Variants in SCN2A observed in about 807,000 individuals in gnomAD.
SCN2A encodes the protein sodium channel protein type 2 subunit alpha.
A neutral mutation model predicts 188.7 loss-of-function variants in SCN2A; 20 were observed. The observed-to-expected ratio is 0.11, with a 90% CI of 0.07 to 0.15. The LOEUF (loss-of-function observed/expected upper bound fraction) is 0.15. Among genes scored for constraint, SCN2A ranks in the 10% least tolerant of loss-of-function variants. The probability of loss-of-function intolerance (pLI) is 1.00; values close to 1 mark genes in which losing one functional copy is unlikely to be tolerated. For missense variants in SCN2A, 1,278 were observed against 2,445.0 expected (o/e 0.52, Z 10.07); for synonymous variants, 804 against 833.1 (o/e 0.97, Z 0.60).
chr2:165,303,501 T>G (rs1696953276), intron 3 of SCN2A, among the ~76,000 whole-genome samples: 1 of 152,066 alleles, frequency 6.6e-6, no homozygotes, highest in Admixed American at 6.6e-5. Flanking sequence ...GGTCTCGATC[T>G]CCTGACCTCG....
intron 1 of SCN2A, among the ~76,000 whole-genome samples, chr2:165,240,659 C>CTGTGTGTGTGTGTG (rs35247335): frequency 0.085 from 11,590 of 136,166 alleles, 655 homozygotes; most frequent in Admixed American, 0.12. Context: ...GTGGAAAGAG[C>CTGTGTGTGTGTGTG]TGTGTGTGTG....
rs899868923 is a variant in SCN2A at position 165,379,005 on chromosome 2, G to GA, written c.4308+1363dup. On this transcript the variant is annotated intron_variant, in intron 23 of 26. Transcript: ENST00000375437. Reference sequence around the variant, plus strand: ...AAGAACACTCGTACAATGCTGATAGGAAAAAAAATAGTTAAATAATCCTTT... The same window carrying GA: ...AAGAACACTCGTACAATGCTGATAGGAAAAAAAAATAGTTAAATAATCCTTT... 9.9e-5 allele frequency among the ~76,000 whole-genome samples: 15 copies of GA among 151,396 alleles called. No homozygotes were observed. In the South Asian group the frequency reaches 2.3e-3, roughly 23 times the overall value.
intron 11 of SCN2A, chr2:165,320,132 T>C (rs536514988): frequency 2.6e-5 from 4 of 152,320 alleles, no homozygotes; most frequent in African/African-American, 9.6e-5. Flanking sequence ...TGGGAGAAAT[T>C]GGCCAAAACA....
At chr2:165,249,796 GA>G (rs1694008665) in intron 1 of SCN2A, among the ~76,000 whole-genome samples, 1 of 151,774 alleles carries the variant, frequency 6.6e-6, no homozygotes. Context: ...TTGATTTATA[GA>G]AAGTCTTATC....
intron 11 of SCN2A, among the ~76,000 whole-genome samples, chr2:165,319,054 T>C (rs909976716): frequency 6.6e-6 from 1 of 152,208 alleles, no homozygotes; most frequent in South Asian, 2.1e-4. Context: ...GAAGTAGTTC[T>C]AGGCCGGGTG....
At position 165,367,155 on chromosome 2, in the gene SCN2A, A is replaced by G. The variant is rs901277108; in HGVS notation, c.3521-62A>G. The G allele has an allele frequency of 5.8e-5, 88 of 1,526,644 alleles. 3 individuals carry two copies. In the South Asian group the frequency reaches 9.1e-4, roughly 16 times the overall value. 94.6% of individuals were successfully genotyped at this position (1,526,644 alleles called of 1,614,324 possible). A position where few individuals can be genotyped will look rare whatever the true frequency, so the allele number is the denominator to read the frequency against. ...TAATAATGTAAATGAATCTCCCACCAACACAAATATACCTAATCAAAGAGT... is the reference window on the plus strand; with the variant it reads ...TAATAATGTAAATGAATCTCCCACCGACACAAATATACCTAATCAAAGAGT... On this transcript the variant is annotated intron_variant, in intron 18 of 26. Transcript: ENST00000375437.
At chr2:165,300,793 T>C (rs1696769222) in intron 3 of SCN2A, among the ~76,000 whole-genome samples, 1 of 152,096 alleles carries the variant, frequency 6.6e-6, no homozygotes, top group Non-Finnish European at 1.5e-5. Flanking sequence ...CCACATTTAC[T>C]CTGAATGAGA....
In SCN2A at chr2:165,277,623, A is replaced by G. The variant is rs376035833; in HGVS notation, c.-51-18150A>G. Among the ~76,000 whole-genome samples, 23 of 152,284 alleles carry G rather than the reference A, an allele frequency of 1.5e-4. No homozygotes were observed. In the East Asian group the frequency reaches 3.3e-3, roughly 22 times the overall value. ...AGAAATAGTTCAAGTTGAGTTTTGCATATGTTTGCAAATCAAGCAAAGTTT... is the reference window on the plus strand; with the variant it reads ...AGAAATAGTTCAAGTTGAGTTTTGCGTATGTTTGCAAATCAAGCAAAGTTT... On this transcript the variant is annotated intron_variant, in intron 1 of 26. Coordinates refer to ENST00000375437, the MANE Select transcript of SCN2A (RefSeq NM_001040142.2).
Position 165,342,335 on chromosome 2 carries a change from A to T in SCN2A, c.2428A>T (p.Ile810Leu), listed in dbSNP as rs541567737. Reference protein sequence around the residue: ...GIFTAEMFLKIIAMDPYYYFQ... With the variant: ...GIFTAEMFLKLIAMDPYYYFQ... ...CTTCACAGCAGAAATGTTTCTCAAG[A>T]TAATTGCCATGGATCCATATTATTA... Residue 810 changes from isoleucine (I) to leucine (L), a missense_variant, in exon 15 of 27, where the codon ATA (isoleucine) becomes TTA (leucine). By Grantham distance (5) the Ile-to-Leu change is conservative (BLOSUM62 2). This residue lies in a region of SCN2A where 83 missense variants were observed against 256.8 expected (regional missense o/e 0.32). Transcript: ENST00000375437. The T allele has an allele frequency of 3.1e-6, 5 of 1,614,032 alleles. No homozygotes were observed. The South Asian group carries it at 5.5e-5, about 18-fold the overall frequency.
At chr2:165,380,968 C>G (rs1443817503) in intron 24 of SCN2A, 125 bp from the exon 25 acceptor site, 8 of 732,866 alleles carry the variant, frequency 1.1e-5, no homozygotes, top group Middle Eastern at 3.8e-4. Context: ...AAAGGCATCT[C>G]TATAAATACA....
intron 1 of SCN2A, among the ~76,000 whole-genome samples, chr2:165,289,058 G>A (rs914453190): frequency 5.3e-5 from 8 of 151,804 alleles, no homozygotes; most frequent in African/African-American, 1.7e-4. Context: ...AAGTCTTTGC[G>A]CACTTATCCA....
intron 1 of SCN2A, among the ~76,000 whole-genome samples, chr2:165,250,328 T>C (rs997162339): frequency 2.0e-5 from 3 of 152,090 alleles, no homozygotes; most frequent in Admixed American, 6.6e-5. Context: ...TCTCAATAGT[T>C]TGCTTTAATA....
At chr2:165,307,367 G>T (rs1697191934) in intron 3 of SCN2A, among the ~76,000 whole-genome samples, 1 of 152,074 alleles carries the variant, frequency 6.6e-6, no homozygotes, top group African/African-American at 2.4e-5. Context: ...GATTTTATGA[G>T]CAATTACAGT....
intron 1 of SCN2A, chr2:165,273,331 G>A (rs1695186475): frequency 6.6e-6 from 1 of 152,140 alleles, no homozygotes; most frequent in African/African-American, 2.4e-5. Context: ...AAAACCATCT[G>A]TCTCTGATTT....
chr2:165,311,080 G>T (rs966028130), intron 7 of SCN2A, among the ~76,000 whole-genome samples: 3 of 151,956 alleles, frequency 2.0e-5, no homozygotes, highest in African/African-American at 7.2e-5. Flanking sequence ...TCCTCAGAAG[G>T]TTAAGTAACC....
intron 1 of SCN2A, among the ~76,000 whole-genome samples, chr2:165,288,876 G>A (rs10803796): frequency 0.24 from 36,791 of 151,820 alleles, 4,684 homozygotes; most frequent in East Asian, 0.36. Flanking sequence ...TGAAAAATAA[G>A]TATTCAAATA....
intron 1 of SCN2A, chr2:165,271,225 A>G (rs561852380): frequency 3.4e-4 from 52 of 152,220 alleles, no homozygotes; most frequent in African/African-American, 1.1e-3. Context: ...TAGGTTTTGA[A>G]TTCTTTGGAA....
chr2:165,366,711 C>A, intron 18 of SCN2A, among the ~76,000 whole-genome samples: 1 of 67,706 alleles, frequency 1.5e-5, no homozygotes. Context: ...GAGTGAGACT[C>A]CCTCTCAAAA....
chr2:165,341,269 A>G (rs889135458), intron 14 of SCN2A, among the ~76,000 whole-genome samples: 4 of 151,930 alleles, frequency 2.6e-5, no homozygotes, highest in South Asian at 4.1e-4. Flanking sequence ...AATTTTTTGT[A>G]TTTTTAGTAG....
Sources: allele counts gnomAD v4.1 joint callset (sites outside exome capture counted in the v4.1 genomes callset), GRCh38; gene constraint gnomAD v4.1.1; regional missense constraint gnomAD v4.1.1; transcripts MANE v1.5; gene names NCBI Gene and HGNC (gene_info 2026-07-23, HGNC 2026-07-21).